NDUFAF6: variants seen among roughly 807,000 people sequenced by gnomAD.
The protein encoded by NDUFAF6 is NADH:ubiquinone oxidoreductase complex assembly factor 6, also known as NADH dehydrogenase (ubiquinone) complex I, assembly factor 6.
A neutral mutation model predicts 40.8 loss-of-function variants in NDUFAF6; 45 were observed. That is an observed-to-expected ratio of 1.10 (90% CI 0.87 to 1.42). The LOEUF (loss-of-function observed/expected upper bound fraction) is 1.42. NDUFAF6 is among the 40% of genes most tolerant of loss of function. The pLI is 0.00. For synonymous variants in NDUFAF6, 185 were observed against 155.9 expected, an observed-to-expected ratio of 1.19 and a Z score of -1.39; for missense variants, 435 against 418.5, an observed-to-expected ratio of 1.04 and a Z score of -0.34.
intron 1 of NDUFAF6, among the ~76,000 whole-genome samples, chr8:94,901,573 C>T (rs535322): frequency 0.72 from 108,785 of 151,660 alleles, 39,290 homozygotes; most frequent in East Asian, 0.79. Context: ...TTTTTAACTT[C>T]CCTCTACATT....
chr8:94,922,288 G>T (rs1819556210), intron 1 of NDUFAF6, among the ~76,000 whole-genome samples: 1 of 151,906 alleles, frequency 6.6e-6, no homozygotes, highest in African/African-American at 2.4e-5. Flanking sequence ...GGAATTACAG[G>T]CATGAACCAC....
At chr8:94,934,933 A>C (rs1820807977) in intron 1 of NDUFAF6, among the ~76,000 whole-genome samples, 2 of 152,150 alleles carry the variant, frequency 1.3e-5, no homozygotes, top group South Asian at 4.1e-4. Flanking sequence ...ATGTAACATA[A>C]GAAAGTTGTT....
At chr8:94,964,559 A>G (rs552924368) in intron 1 of NDUFAF6, among the ~76,000 whole-genome samples, 3 of 152,290 alleles carry the variant, frequency 2.0e-5, no homozygotes, top group African/African-American at 7.2e-5. Context: ...GTGAGGGCTC[A>G]GGATGCTTTT....
At chr8:94,909,965 G>GAGGCCCCTGAAAACT (rs1196572455) in intron 1 of NDUFAF6, among the ~76,000 whole-genome samples, 2 of 151,916 alleles carry the variant, frequency 1.3e-5, no homozygotes, top group Non-Finnish European at 2.9e-5. Flanking sequence ...GTCTGCATCA[G>GAGGCCCCTGAAAACT]AGGCCCCTGA....
chr8:95,006,521 T>C (rs1297937740), intron 2 of NDUFAF6, among the ~76,000 whole-genome samples: 2 of 152,104 alleles, frequency 1.3e-5, no homozygotes, highest in African/African-American at 2.4e-5. Context: ...GGTTGAACAT[T>C]TACAGCTTTA....
At chr8:94,901,562 GT>G (rs1363485595) in intron 1 of NDUFAF6, among the ~76,000 whole-genome samples, 9 of 151,810 alleles carry the variant, frequency 5.9e-5, no homozygotes, top group African/African-American at 1.9e-4. Flanking sequence ...CAGGTTAAAT[GT>G]TTTTAACTTC....
At chr8:94,948,311 A>G (rs1405932088) in intron 2 of NDUFAF6, among the ~76,000 whole-genome samples, 1 of 152,172 alleles carries the variant, frequency 6.6e-6, no homozygotes, top group African/African-American at 2.4e-5. Flanking sequence ...TATGTGTAAG[A>G]TAGCCGGGCC....
intron 8 of NDUFAF6, among the ~76,000 whole-genome samples, chr8:95,053,431 G>A (rs774838862): frequency 2.0e-5 from 3 of 152,110 alleles, no homozygotes; most frequent in East Asian, 3.9e-4. Context: ...AGTAAGCTTC[G>A]TAAAGGTTAA....
At chr8:94,949,565 C>G (rs766367315) in intron 2 of NDUFAF6, among the ~76,000 whole-genome samples, 115 of 151,976 alleles carry the variant, frequency 7.6e-4, no homozygotes, top group Non-Finnish European at 9.7e-4. Context: ...GCAACAAAAA[C>G]CGGGAGCTGA....
intron 2 of NDUFAF6, among the ~76,000 whole-genome samples, chr8:94,994,299 C>G (rs904088247): frequency 3.3e-5 from 5 of 152,044 alleles, no homozygotes; most frequent in African/African-American, 1.2e-4. Context: ...ACCTGTAATC[C>G]CAGCACTTTG....
At chr8:95,006,548 A>G (rs994459584) in intron 2 of NDUFAF6, among the ~76,000 whole-genome samples, 1 of 152,070 alleles carries the variant, frequency 6.6e-6, no homozygotes, top group Admixed American at 6.6e-5. Flanking sequence ...TGCTATTGTT[A>G]TAAGTTTACC....
intron 2 of NDUFAF6, among the ~76,000 whole-genome samples, chr8:94,948,956 A>G (rs894905838): frequency 6.7e-6 from 1 of 150,224 alleles, no homozygotes; most frequent in African/African-American, 2.4e-5. Flanking sequence ...GCCGCCGAGG[A>G]CCGACCCACT....
intron 1 of NDUFAF6, among the ~76,000 whole-genome samples, chr8:94,961,588 A>AT (rs1823581942): frequency 6.6e-6 from 1 of 151,778 alleles, no homozygotes. Flanking sequence ...CACCTGGCTA[A>AT]TTTTTTTGTA....
chr8:94,945,734 A>G (rs1255236241), intron 2 of NDUFAF6: 1 of 152,290 alleles, frequency 6.6e-6, no homozygotes, highest in African/African-American at 2.4e-5. Flanking sequence ...CATGTGTCCT[A>G]AGAGGACAAA....
chr8:94,945,813 G>A (rs1046572021), intron 2 of NDUFAF6, among the ~76,000 whole-genome samples: 2 of 152,204 alleles, frequency 1.3e-5, no homozygotes, highest in African/African-American at 2.4e-5. Context: ...TAGCGCTGTT[G>A]TTCTTTGAAC....
At position 94,952,904 on chromosome 8, in the gene NDUFAF6, G is replaced by A. The variant is rs117343052; in HGVS notation, c.-798-5091G>A. On this transcript the variant is annotated intron_variant, in intron 2 of 14. Transcript: ENST00000396113. Reference sequence around the variant, plus strand: ...CCTTCATTCAGTAACCAGTGCTAGGGGGGAGTCCCCAAGAGGTGGGATAGC... The same window carrying A: ...CCTTCATTCAGTAACCAGTGCTAGGAGGGAGTCCCCAAGAGGTGGGATAGC... 4.9e-3 allele frequency among the ~76,000 whole-genome samples: 750 copies of A among 152,336 alleles called. 2 individuals carry two copies. Among genetic ancestry groups the A allele is most frequent in the Middle Eastern group, 0.031 (9 of 294 alleles).
chr8:94,993,714 G>C (rs1438843375), intron 2 of NDUFAF6, among the ~76,000 whole-genome samples: 1 of 152,182 alleles, frequency 6.6e-6, no homozygotes, highest in Non-Finnish European at 1.5e-5. Context: ...AATTGCATGA[G>C]TAAGCCCAGG....
chr8:94,931,587 T>C (rs75775560), intron 1 of NDUFAF6, among the ~76,000 whole-genome samples: 3 of 68,532 alleles, frequency 4.4e-5, no homozygotes, highest in Non-Finnish European at 1.2e-4. Context: ...ACATATTTAT[T>C]ACACACACAC....
chr8:95,048,709 A>C (rs1831092924), intron 7 of NDUFAF6, 151 bp downstream of exon 7: 2 of 697,678 alleles, frequency 2.9e-6, no homozygotes, highest in South Asian at 3.2e-5. Context: ...GTCTGTTGTA[A>C]ACTTTTTTCA....
Sources: allele counts gnomAD v4.1 joint callset (sites outside exome capture counted in the v4.1 genomes callset), GRCh38; gene constraint gnomAD v4.1.1; transcripts MANE v1.5; gene names NCBI Gene and HGNC (gene_info 2026-07-23, HGNC 2026-07-21).